The following A2ML1 variants were observed in gnomAD, a reference collection of about 807,000 sequenced individuals.
The protein encoded by A2ML1 is alpha-2-macroglobulin-like protein 1.
A neutral mutation model predicts 181.9 loss-of-function variants in A2ML1; 161 were observed. The observed-to-expected ratio is 0.89, with a 90% CI of 0.78 to 1.01. The LOEUF (loss-of-function observed/expected upper bound fraction) is 1.01, where lower values mean the gene tolerates loss of function less well. Among genes scored for constraint, A2ML1 ranks in the 50% least tolerant of loss-of-function variants. A2ML1 has a pLI of 0.00. For synonymous variants in A2ML1, 663 were observed against 666.8 expected, an observed-to-expected ratio of 0.99 and a Z score of 0.09; for missense variants, 1,670 against 1,768.1, an observed-to-expected ratio of 0.94 and a Z score of 1.00.
In A2ML1 at chr12:8,845,470, A is replaced by T; in HGVS notation, c.1505A>T (p.Glu502Val). ...ATAGGGAAAGGAAGTTTGGTGATGG[A>T]GGGGCAGAAACACCTGAACTCTAAG... is the stretch of plus-strand genomic sequence containing the variant. ...YLIGKGSLVM[E>V]GQKHLNSKKK... Residue 502 changes from glutamate (E) to valine (V), a missense_variant, in exon 13 of 36, where the codon GAG becomes GTG. Coordinates refer to ENST00000299698, the MANE Select transcript of A2ML1 (RefSeq NM_144670.6). 6.2e-7 allele frequency: 1 copy of T among 1,614,128 alleles called. No homozygotes were observed. The highest frequency in any genetic ancestry group is 8.5e-7 in the Non-Finnish European group (1 of 1,180,028).
At chr12:8,880,923 G>C (rs1257979239), downstream of A2ML1, among the ~76,000 whole-genome samples, 1 of 152,218 alleles carries the variant, frequency 6.6e-6, no homozygotes, top group African/African-American at 2.4e-5. Context: ...TGAGCAGAGT[G>C]ATTCTTTGCA....
chr12:8,857,137 C>A (rs1391663328), intron 23 of A2ML1, 27 bp from the exon 24 acceptor site: 2 of 1,604,020 alleles, frequency 1.2e-6, no homozygotes, highest in Non-Finnish European at 1.7e-6. Context: ...TGTACCCCTA[C>A]CTTCTCTCTC....
chr12:8,881,675 A>T (rs1427139302), downstream of A2ML1, among the ~76,000 whole-genome samples: 1 of 152,202 alleles, frequency 6.6e-6, no homozygotes, highest in Non-Finnish European at 1.5e-5. Context: ...CCATGCAGGT[A>T]CAGATATAGA....
In A2ML1 at chr12:8,857,579, G is replaced by A. The variant is rs1250346887; in HGVS notation, c.3098G>A (p.Gly1033Glu). ...GCCTTTGGGGAGCGAGATGGAAATGGAAACACATGGTAATATCACCCAATT... is the reference window on the plus strand; with the variant it reads ...GCCTTTGGGGAGCGAGATGGAAATGAAAACACATGGTAATATCACCCAATT... ...YSAFGERDGNGNTWLTAFVTK... is the reference protein window; with the variant it reads ...YSAFGERDGNENTWLTAFVTK... The change falls in exon 25 of 36, where the codon GGA (glycine) becomes GAA (glutamate). Residue 1033 changes from glycine (G) to glutamate (E), a missense_variant. Transcript: ENST00000299698. 1.9e-6 allele frequency: 3 copies of A among 1,610,750 alleles called. No individual in the cohort carries two copies. The South Asian group carries it at 3.3e-5, about 18-fold the overall frequency.
chr12:8,882,002 C>G (rs1399105155), intron 7 of A2ML1, among the ~76,000 whole-genome samples: 1 of 150,434 alleles, frequency 6.6e-6, no homozygotes, highest in African/African-American at 2.4e-5. Context: ...CAGAGCGAGA[C>G]TCTGTCTCAA....
chr12:8,853,595 C>T (rs1943963242), intron 20 of A2ML1, among the ~76,000 whole-genome samples: 1 of 152,108 alleles, frequency 6.6e-6, no homozygotes, highest in Non-Finnish European at 1.5e-5. Flanking sequence ...TCAAGCTCAT[C>T]CCAAAGTCTC....
intron 28 of A2ML1, among the ~76,000 whole-genome samples, chr12:8,862,947 C>T (rs1673657906): frequency 6.6e-6 from 1 of 152,158 alleles, no homozygotes. Flanking sequence ...TATCCATTAT[C>T]TGTCATCTTG....
intron 23 of A2ML1, among the ~76,000 whole-genome samples, chr12:8,856,353 G>T (rs1187682276): frequency 6.6e-6 from 1 of 152,196 alleles, no homozygotes; most frequent in Admixed American, 6.6e-5. Flanking sequence ...TGTGTTGGGG[G>T]CTCCTGAAGA....
chr12:8,841,308 T>C, intron 10 of A2ML1, 61 bp from the exon 11 acceptor site: 1 of 1,489,154 alleles, frequency 6.7e-7, no homozygotes. Context: ...TATTTCACTT[T>C]ACCTCATACT....
At chr12:8,845,890 A>AAAATAAAATT in intron 13 of A2ML1, among the ~76,000 whole-genome samples, 187 bp from the exon 14 acceptor site, 1 of 132,852 alleles carries the variant, frequency 7.5e-6, no homozygotes, top group Non-Finnish European at 1.5e-5. Flanking sequence ...AAAATAAAAT[A>AAAATAAAATT]AAAAAATTCT....
At chr12:8,884,080 C>T (rs533606467) in intron 7 of A2ML1, among the ~76,000 whole-genome samples, 12 of 152,212 alleles carry the variant, frequency 7.9e-5, no homozygotes, top group Non-Finnish European at 1.6e-4. Context: ...CCCACCACAC[C>T]TGGCCCTGTT....
At chr12:8,828,218 G>A (rs1458678394) in intron 3 of A2ML1, among the ~76,000 whole-genome samples, 1 of 152,170 alleles carries the variant, frequency 6.6e-6, no homozygotes, top group Non-Finnish European at 1.5e-5. Context: ...ACCCTGGAAG[G>A]TCCAGAGATG....
In A2ML1 at chr12:8,838,347, A is replaced by C. The variant is rs776712868; in HGVS notation, c.867A>C (p.Thr289=). The C allele has an allele frequency of 6.2e-7, 1 of 1,613,248 alleles. No homozygotes were observed. Among genetic ancestry groups the C allele is most frequent in the South Asian group, 1.1e-5 (1 of 90,858 alleles). Residue 289 remains threonine (T), a synonymous_variant, in exon 9 of 36, where the codon ACA becomes ACC. Coordinates refer to ENST00000299698, the MANE Select transcript of A2ML1 (RefSeq NM_144670.6). ...GATCACCTCACTAGACTGACAAAACAGGATGTTTCTCAGCACCTGTGGACA... is the reference window on the plus strand; with the variant it reads ...GATCACCTCACTAGACTGACAAAACCGGATGTTTCTCAGCACCTGTGGACA... ...CRNLSGQTDK[T]GCFSAPVDMA...
rs746024719 is a variant in A2ML1 at position 8,823,976 on chromosome 12, G to GA, written c.409+101dup. The GA allele has an allele frequency of 5.4e-4, 779 of 1,433,288 alleles. 3 individuals carry two copies. In the African/African-American group the frequency reaches 9.7e-3, roughly 18 times the overall value. The allele number at this position is 1,433,288 out of a possible 1,614,324, so 88.8% of individuals were successfully genotyped here. On this transcript the variant is annotated intron_variant, in intron 3 of 35. Transcript: ENST00000299698. Reference sequence around the variant, plus strand: ...ATTTGTGGTTTGACAGTAGGCTTTGGAAAAAAAGGAGTGCAGAGGAGAGGA... The same window carrying GA: ...ATTTGTGGTTTGACAGTAGGCTTTGGAAAAAAAAGGAGTGCAGAGGAGAGGA...
At chr12:8,845,378 A>T in intron 12 of A2ML1, 64 bp from the exon 13 acceptor site, 3 of 1,557,262 alleles carry the variant, frequency 1.9e-6, no homozygotes, top group South Asian at 2.2e-5. Context: ...GATGCTCTGG[A>T]AGTTGGTCCA....
rs1410476905 is a variant in A2ML1 at position 8,869,123 on chromosome 12, T to C, written c.4153-12T>C. 20 of 1,613,902 alleles carry C rather than the reference T, an allele frequency of 1.2e-5. No individual in the cohort carries two copies. The highest frequency in any genetic ancestry group is 1.7e-5 in the Non-Finnish European group (20 of 1,179,898). The stretch of plus-strand genomic sequence containing the variant: ...GCTCTTAGTATCTTTTTTTTCTCCC[T>C]CTCTTATTCAGCTTCTCCAGCAACC... On this transcript the variant is annotated splice_polypyrimidine_tract_variant and intron_variant, in intron 32 of 35. Transcript: ENST00000299698.
In A2ML1 at chr12:8,869,218, A is replaced by G; in HGVS notation, c.4221+15A>G. ...ACTTGGATGAGGTAGGTATTCAGGA[A>G]CCAGATCAAAGAGCTGGATTGCTTA... On this transcript the variant is annotated intron_variant, in intron 33 of 35. Coordinates refer to ENST00000299698, the MANE Select transcript of A2ML1 (RefSeq NM_144670.6). The G allele has an allele frequency of 6.2e-7, 1 of 1,613,526 alleles. No individual in the cohort carries two copies. The highest frequency in any genetic ancestry group is 2.2e-5 in the East Asian group (1 of 44,852).
intron 29 of A2ML1, among the ~76,000 whole-genome samples, chr12:8,866,468 A>G (rs1267380762): frequency 6.6e-6 from 1 of 152,036 alleles, no homozygotes; most frequent in African/African-American, 2.4e-5. Context: ...TAATTATAAT[A>G]TATAATAATA....
At chr12:8,846,416 C>T (rs780964324) in intron 14 of A2ML1, among the ~76,000 whole-genome samples, 194 bp downstream of exon 14, 1 of 152,186 alleles carries the variant, frequency 6.6e-6, no homozygotes, top group African/African-American at 2.4e-5. Flanking sequence ...TTTAAGAAGT[C>T]ATGCTGGCTG....
Sources: gnomAD v4.1 joint callset for allele counts (sites outside exome capture counted in the v4.1 genomes callset) on GRCh38, gnomAD v4.1.1 for gene constraint, MANE v1.5 for transcripts, NCBI Gene and HGNC (gene_info 2026-07-23, HGNC 2026-07-21) for gene names.